The following SETBP1 variants were observed in gnomAD, a reference collection of about 807,000 sequenced individuals.
The protein encoded by SETBP1 is SET binding protein 1.
A neutral mutation model predicts 101.0 loss-of-function variants in SETBP1; 9 were observed. The ratio of observed to expected loss-of-function variants is 0.09; its 90% CI spans 0.05 to 0.16. The LOEUF (loss-of-function observed/expected upper bound fraction) is 0.16. SETBP1 is among the 10% of genes least tolerant of loss of function. The probability of loss-of-function intolerance (pLI) is 1.00; values close to 1 mark genes in which losing one functional copy is unlikely to be tolerated. For synonymous variants in SETBP1, 818 were observed against 788.5 expected (o/e 1.04, Z -0.63); for missense variants, 1,858 against 2,033.8 (o/e 0.91, Z 1.66).
chr18:44,776,221 T>C (rs918220500), intron 2 of SETBP1, among the ~76,000 whole-genome samples: 1 of 152,194 alleles, frequency 6.6e-6, no homozygotes, highest in Admixed American at 6.5e-5. Flanking sequence ...TGGTATTTTC[T>C]TCCCCCCACC....
intron 5 of SETBP1, among the ~76,000 whole-genome samples, chr18:45,044,178 G>C (rs545395323): frequency 2.0e-5 from 3 of 152,122 alleles, no homozygotes; most frequent in Admixed American, 6.6e-5. Context: ...AACATCCAGG[G>C]ACCATAAATA....
At chr18:44,995,120 T>A (rs1212380196) in intron 4 of SETBP1, among the ~76,000 whole-genome samples, 1 of 150,536 alleles carries the variant, frequency 6.6e-6, no homozygotes, top group African/African-American at 2.4e-5. Flanking sequence ...AGTAGACAAC[T>A]GACCATGTTA....
intron 5 of SETBP1, among the ~76,000 whole-genome samples, chr18:45,062,555 C>G (rs1203698925): frequency 6.6e-6 from 1 of 152,230 alleles, no homozygotes; most frequent in African/African-American, 2.4e-5. Flanking sequence ...GCCAAGGCAT[C>G]TCTTCTATGA....
At chr18:44,971,846 A>G (rs2071869199) in intron 4 of SETBP1, among the ~76,000 whole-genome samples, 1 of 152,028 alleles carries the variant, frequency 6.6e-6, no homozygotes, top group Non-Finnish European at 1.5e-5. Flanking sequence ...CTCTGATGGT[A>G]GTTTCTTTTG....
In SETBP1 at chr18:44,948,159, C is replaced by T. The variant is rs1237796761; in HGVS notation, c.541-1722C>T. On this transcript the variant is annotated intron_variant, in intron 3 of 5. Coordinates refer to ENST00000649279, the MANE Select transcript of SETBP1 (RefSeq NM_015559.3). ...TATGTTGTTGATGGTGGTGTTTCTA[C>T]TATAAGTTGCAAGATGAATTAAAAA... 3.3e-5 allele frequency among the ~76,000 whole-genome samples: 5 copies of T among 152,306 alleles called. No homozygotes were observed. The South Asian group carries it at 1.0e-3, about 32-fold the overall frequency.
intron 2 of SETBP1, among the ~76,000 whole-genome samples, chr18:44,780,943 G>A (rs762757904): frequency 2.4e-4 from 37 of 152,094 alleles, no homozygotes; most frequent in Admixed American, 1.4e-3. Flanking sequence ...TCTGGCTGGC[G>A]GGGGAAAGAG....
chr18:45,032,200 A>G (rs987172739), intron 4 of SETBP1, among the ~76,000 whole-genome samples: 1 of 152,148 alleles, frequency 6.6e-6, no homozygotes, highest in African/African-American at 2.4e-5. Flanking sequence ...GAAATAATAA[A>G]TGGATGAAAG....
At chr18:44,770,475 C>T (rs1448194473) in intron 2 of SETBP1, among the ~76,000 whole-genome samples, 1 of 152,034 alleles carries the variant, frequency 6.6e-6, no homozygotes, top group Non-Finnish European at 1.5e-5. Flanking sequence ...TTGATTTATC[C>T]TTTTAGTCTA....
chr18:44,811,729 G>A (rs2071866078), intron 2 of SETBP1, among the ~76,000 whole-genome samples: 1 of 152,212 alleles, frequency 6.6e-6, no homozygotes, highest in African/African-American at 2.4e-5. Flanking sequence ...ATGAGGAGGA[G>A]TTAAGCAACA....
intron 2 of SETBP1, among the ~76,000 whole-genome samples, chr18:44,853,478 A>G (rs1347564311): frequency 6.6e-6 from 1 of 152,164 alleles, no homozygotes; most frequent in African/African-American, 2.4e-5. Context: ...AGACATCGAA[A>G]CATCCCCATC....
chr18:44,685,721 C>A lies in SETBP1; in HGVS notation c.-173+4700C>A, dbSNP rs1056717986. ...CTCTGGGAGGATTTCCATGCTGCCTCCTGGAAACTGGTGCCTGGGATTATT... is the reference window on the plus strand; with the variant it reads ...CTCTGGGAGGATTTCCATGCTGCCTACTGGAAACTGGTGCCTGGGATTATT... On this transcript the variant is annotated intron_variant, in intron 1 of 5. Coordinates refer to ENST00000649279, the MANE Select transcript of SETBP1 (RefSeq NM_015559.3). Among the ~76,000 whole-genome samples, 3 of 152,258 alleles carry A rather than the reference C, an allele frequency of 2.0e-5. No individual in the cohort carries two copies. The East Asian group carries it at 5.8e-4, about 29-fold the overall frequency.
chr18:45,027,878 G>A (rs2073201650), intron 4 of SETBP1, among the ~76,000 whole-genome samples: 2 of 152,110 alleles, frequency 1.3e-5, no homozygotes, highest in Admixed American at 1.3e-4. Flanking sequence ...GAAACTGTAG[G>A]AGATAATCCA....
At chr18:44,749,595 G>C (rs1032323700) in intron 2 of SETBP1, among the ~76,000 whole-genome samples, 4 of 152,186 alleles carry the variant, frequency 2.6e-5, no homozygotes, top group African/African-American at 9.7e-5. Flanking sequence ...AGGCAAGTGA[G>C]AGAAAATTGA....
chr18:45,017,476 G>A (rs2072971965), intron 4 of SETBP1, among the ~76,000 whole-genome samples: 2 of 152,322 alleles, frequency 1.3e-5, no homozygotes, highest in South Asian at 4.1e-4. Context: ...ACACTTAGCT[G>A]CATTATGGAT....
chr18:44,767,960 A>T (rs2070793545), intron 2 of SETBP1, among the ~76,000 whole-genome samples: 1 of 152,228 alleles, frequency 6.6e-6, no homozygotes, highest in South Asian at 2.1e-4. Context: ...GGAAGCCCAT[A>T]GCATCCTGTG....
intron 2 of SETBP1, among the ~76,000 whole-genome samples, chr18:44,805,433 T>TGTGTGG (rs1379703224): frequency 6.7e-6 from 1 of 149,886 alleles, no homozygotes; most frequent in African/African-American, 2.5e-5. Context: ...TGTGTGTGTG[T>TGTGTGG]GGGTGTGTTT....
intron 3 of SETBP1, among the ~76,000 whole-genome samples, chr18:44,924,709 T>G (rs1166529134): frequency 1.3e-5 from 2 of 152,122 alleles, no homozygotes; most frequent in Non-Finnish European, 2.9e-5. Context: ...CCATAGACCC[T>G]AGGGTTGTTT....
chr18:44,795,046 T>TAAATA (rs2071446937), intron 2 of SETBP1, among the ~76,000 whole-genome samples: 1 of 152,102 alleles, frequency 6.6e-6, no homozygotes, highest in Admixed American at 6.6e-5. Context: ...TCCAGAAAAG[T>TAAATA]AAGTTGATAA....
intron 5 of SETBP1, among the ~76,000 whole-genome samples, chr18:45,045,344 C>G (rs1327511273): frequency 6.6e-6 from 1 of 152,124 alleles, no homozygotes; most frequent in African/African-American, 2.4e-5. Flanking sequence ...ATCACTTGCA[C>G]CTGCTGAACC....
Sources: gnomAD v4.1 joint callset for allele counts (sites outside exome capture counted in the v4.1 genomes callset) on GRCh38, gnomAD v4.1.1 for gene constraint, MANE v1.5 for transcripts, NCBI Gene and HGNC (gene_info 2026-07-23, HGNC 2026-07-21) for gene names.